Variants in LRP6 observed in about 807,000 individuals in gnomAD.
The protein encoded by LRP6 is LDL receptor related protein 6, also known as low-density lipoprotein receptor-related protein 6.
Under a neutral mutation model 184.1 loss-of-function variants are expected in LRP6, and 43 were observed. The observed-to-expected ratio is 0.23, with a 90% CI of 0.18 to 0.30. The LOEUF is 0.30. Ranked by LOEUF, LRP6 falls within the 10% of genes least tolerant of loss-of-function variation. LRP6 has a pLI of 1.00. For missense variants in LRP6, 1,571 were observed against 2,005.3 expected (o/e 0.78, Z 4.14); for synonymous variants, 719 against 684.9 (o/e 1.05, Z -0.78).
At chr12:12,253,322 A>C (rs566221348) in intron 1 of LRP6, among the ~76,000 whole-genome samples, 1 of 152,146 alleles carries the variant, frequency 6.6e-6, no homozygotes, top group East Asian at 1.9e-4. Context: ...TTTGTCTAAC[A>C]CTTTTTTGGG....
rs146616793 is a variant in LRP6 at position 12,155,474 on chromosome 12, G to A, written c.2791+3355C>T. 1,254 of 912,560 alleles carry A rather than the reference G, an allele frequency of 1.4e-3. 9 individuals are homozygous for A. In the African/African-American group the frequency reaches 0.016, roughly 12 times the overall value. 56.5% of individuals were successfully genotyped at this position (912,560 alleles called of 1,614,324 possible). ...GGTCTACAATGTTACCCAGCATGCT[G>A]TTGGCATTGTTGTAAACAAAAAAGT... On this transcript the variant is annotated intron_variant, in intron 12 of 22. Transcript: ENST00000261349.
In LRP6 at chr12:12,130,776, T is replaced by C; in HGVS notation, c.4081+7A>G. 2 of 1,568,674 alleles carry C rather than the reference T, an allele frequency of 1.3e-6. No individual in the cohort carries two copies. Among genetic ancestry groups the C allele is most frequent in the African/African-American group, 2.7e-5 (2 of 74,198 alleles). ...AAGAGTAATTTATAGATCTCAGTCC[T>C]ACTTACAACAATCCAGTTCATCTGA... On this transcript the variant is annotated splice_region_variant and intron_variant, in intron 19 of 22. Transcript: ENST00000261349.
intron 1 of LRP6, among the ~76,000 whole-genome samples, chr12:12,258,784 C>G (rs896760415): frequency 2.0e-5 from 3 of 152,186 alleles, no homozygotes; most frequent in Non-Finnish European, 4.4e-5. Context: ...TTAAATTATA[C>G]GTACCAATAA....
chr12:12,253,593 G>C (rs1865381678), intron 1 of LRP6, among the ~76,000 whole-genome samples: 1 of 114,842 alleles, frequency 8.7e-6, no homozygotes, highest in Non-Finnish European at 1.7e-5. Flanking sequence ...CCCCACAACA[G>C]GACCTGGTGT....
chr12:12,184,638 T>C (rs907496949), intron 4 of LRP6, among the ~76,000 whole-genome samples: 3 of 152,138 alleles, frequency 2.0e-5, no homozygotes, highest in Non-Finnish European at 4.4e-5. Context: ...AGGTGAACAG[T>C]ATAACTGGAG....
At chr12:12,245,003 G>T (rs1865151788) in intron 1 of LRP6, among the ~76,000 whole-genome samples, 1 of 152,146 alleles carries the variant, frequency 6.6e-6, no homozygotes, top group Non-Finnish European at 1.5e-5. Context: ...ACAGCCACTT[G>T]GGAAAACAGT....
At chr12:12,253,921 A>G (rs1205882019) in intron 1 of LRP6, among the ~76,000 whole-genome samples, 1 of 152,000 alleles carries the variant, frequency 6.6e-6, no homozygotes, top group Non-Finnish European at 1.5e-5. Context: ...AGGTGGGCAT[A>G]TCACTGGAGC....
chr12:12,133,036 T>C (rs1949779271), intron 17 of LRP6, among the ~76,000 whole-genome samples: 1 of 152,136 alleles, frequency 6.6e-6, no homozygotes, highest in African/African-American at 2.4e-5. Flanking sequence ...AGGTGAACAT[T>C]TTACATGGGG....
intron 1 of LRP6, among the ~76,000 whole-genome samples, chr12:12,256,923 T>C (rs1380323784): frequency 6.6e-6 from 1 of 152,112 alleles, no homozygotes; most frequent in African/African-American, 2.4e-5. Flanking sequence ...ATCCATACAA[T>C]GGATTACTCA....
chr12:12,156,104 A>T (rs1406502326), intron 12 of LRP6, among the ~76,000 whole-genome samples: 1 of 152,204 alleles, frequency 6.6e-6, no homozygotes, highest in Non-Finnish European at 1.5e-5. Context: ...ATACATAAAG[A>T]GGTGAAAGTG....
chr12:12,194,792 T>C (rs1366620710), intron 3 of LRP6, among the ~76,000 whole-genome samples: 2 of 152,146 alleles, frequency 1.3e-5, no homozygotes, highest in East Asian at 3.8e-4. Context: ...ACAGTCATCC[T>C]ACAGTGGTAT....
chr12:12,135,411 T>C (rs1224828701), intron 16 of LRP6, 111 bp from the exon 17 acceptor site: 2 of 676,514 alleles, frequency 3.0e-6, no homozygotes, highest in Admixed American at 2.4e-5. Flanking sequence ...GAAAATCAAA[T>C]GTATAATCAG....
chr12:12,130,650 C>G, intron 19 of LRP6, 133 bp downstream of exon 19: 1 of 645,236 alleles, frequency 1.5e-6, no homozygotes. Flanking sequence ...AAAAAACCTT[C>G]ACACAAATAA....
At chr12:12,205,123 G>A (rs184312283) in intron 2 of LRP6, among the ~76,000 whole-genome samples, 4 of 151,652 alleles carry the variant, frequency 2.6e-5, no homozygotes, top group Non-Finnish European at 2.9e-5. Context: ...CAGGTCAGGA[G>A]TTCAAGACCA....
At chr12:12,177,922 GA>G (rs918669244) in intron 7 of LRP6, among the ~76,000 whole-genome samples, 4 of 151,880 alleles carry the variant, frequency 2.6e-5, no homozygotes, top group African/African-American at 9.7e-5. Context: ...ACGAATGAAT[GA>G]AAAAAATTAA....
intron 12 of LRP6, among the ~76,000 whole-genome samples, 200 bp downstream of exon 12, chr12:12,158,629 T>C (rs1033716496): frequency 6.6e-6 from 1 of 152,196 alleles, no homozygotes; most frequent in Non-Finnish European, 1.5e-5. Context: ...AGCATAAGAC[T>C]TAATTTTTCT....
intron 15 of LRP6, among the ~76,000 whole-genome samples, chr12:12,145,914 G>A (rs1407722733): frequency 6.6e-6 from 1 of 151,918 alleles, no homozygotes; most frequent in Non-Finnish European, 1.5e-5. Context: ...TTACAAGCAT[G>A]AGCCACCACA....
intron 2 of LRP6, chr12:12,226,808 G>A (rs1216921420): frequency 2.6e-5 from 4 of 152,086 alleles, no homozygotes; most frequent in African/African-American, 7.2e-5. Context: ...AATAAGAACT[G>A]TGGGACAATT....
chr12:12,225,757 AG>A (rs1205355630), intron 2 of LRP6, among the ~76,000 whole-genome samples: 1 of 152,050 alleles, frequency 6.6e-6, no homozygotes, highest in Non-Finnish European at 1.5e-5. Context: ...CTGTAATCCC[AG>A]CTACTCAGGA....
Sources: allele counts gnomAD v4.1 joint callset (sites outside exome capture counted in the v4.1 genomes callset), GRCh38; gene constraint gnomAD v4.1.1; transcripts MANE v1.5; gene names NCBI Gene and HGNC (gene_info 2026-07-23, HGNC 2026-07-21).